Variants in SLC9A9 observed in about 807,000 individuals in gnomAD.
The protein encoded by SLC9A9 is sodium/hydrogen exchanger 9.
A neutral mutation model predicts 77.8 loss-of-function variants in SLC9A9; 62 were observed. That is an observed-to-expected ratio of 0.80 (90% confidence interval 0.65 to 0.98). The LOEUF is 0.98. Among genes scored for constraint, SLC9A9 ranks in the 50% least tolerant of loss-of-function variants. The pLI is 0.00. For synonymous variants in SLC9A9, 320 were observed against 283.5 expected, an observed-to-expected ratio of 1.13 and a Z score of -1.29; for missense variants, 775 against 774.9, an observed-to-expected ratio of 1.00 and a Z score of 0.00.
At chr3:143,295,934 C>T (rs2108422038) in intron 14 of SLC9A9, among the ~76,000 whole-genome samples, 1 of 152,100 alleles carries the variant, frequency 6.6e-6, no homozygotes, top group African/African-American at 2.4e-5. Context: ...TGAGGGCCCC[C>T]ATACTTTCTG....
At chr3:143,388,502 A>T (rs970268187) in intron 12 of SLC9A9, among the ~76,000 whole-genome samples, 1 of 152,188 alleles carries the variant, frequency 6.6e-6, no homozygotes, top group Non-Finnish European at 1.5e-5. Flanking sequence ...CAACTATAAG[A>T]GGGGATAAGC....
At chr3:143,522,375 T>A (rs1345806884) in intron 9 of SLC9A9, among the ~76,000 whole-genome samples, 1 of 152,176 alleles carries the variant, frequency 6.6e-6, no homozygotes, top group Non-Finnish European at 1.5e-5. Flanking sequence ...TGCCAATATA[T>A]ACAATTCTTG....
In SLC9A9 at chr3:143,600,483, C is replaced by A. The variant is rs2037829543; in HGVS notation, c.756-21760G>T. Among the ~76,000 whole-genome samples the A allele has an allele frequency of 1.3e-5, 2 of 152,242 alleles. 1 individual carries two copies. Among genetic ancestry groups the A allele is most frequent in the South Asian group, 4.1e-4 (2 of 4,826 alleles). On this transcript the variant is annotated intron_variant, in intron 6 of 15. Transcript: ENST00000316549. ...TTCTATAAGTGTGTGAAAAATACAA[C>A]AAGTAGAACTCATTAATTTATCAGA... is the stretch of plus-strand genomic sequence containing the variant.
At chr3:143,662,276 C>T (rs1218649693) in intron 5 of SLC9A9, among the ~76,000 whole-genome samples, 5 of 152,128 alleles carry the variant, frequency 3.3e-5, no homozygotes, top group Admixed American at 6.5e-5. Flanking sequence ...AAATAATATA[C>T]GAATGAAGAA....
chr3:143,716,262 T>TG (rs1934347903), intron 4 of SLC9A9, among the ~76,000 whole-genome samples: 2 of 151,992 alleles, frequency 1.3e-5, no homozygotes, highest in African/African-American at 2.4e-5. Context: ...TTTGTAGAGA[T>TG]GGGGTCTCCC....
chr3:143,743,303 A>G (rs1935128287), intron 4 of SLC9A9, among the ~76,000 whole-genome samples: 1 of 151,988 alleles, frequency 6.6e-6, no homozygotes, highest in Non-Finnish European at 1.5e-5. Flanking sequence ...AGACAGATAG[A>G]TAGATGATAG....
chr3:143,363,514 A>G lies in SLC9A9; in HGVS notation c.1574T>C (p.Leu525Pro). 1 of 1,613,102 alleles carries G rather than the reference A, an allele frequency of 6.2e-7. No homozygotes were observed. Among genetic ancestry groups the G allele is most frequent in the Non-Finnish European group, 8.5e-7 (1 of 1,179,328 alleles). The change falls in exon 14 of 16, where the codon CTC becomes CCC. Residue 525 changes from leucine to proline, a missense_variant. Physicochemically the swap from Leu to Pro is moderately conservative, Grantham distance 98 (BLOSUM62 -3). Transcript: ENST00000316549. ...GTCAAAGCTATACCACATTCTGAAG[A>G]GCCGAGCACTCTCTGCTTTCGTCAT... ...KNMTKAESAR[L>P]FRMWYSFDHK...
chr3:143,615,112 T>C (rs2038082150), intron 6 of SLC9A9, among the ~76,000 whole-genome samples: 1 of 152,178 alleles, frequency 6.6e-6, no homozygotes. Context: ...GTCAGCCAAC[T>C]TGCCTCAGAG....
At chr3:143,460,663 T>C (rs561866056) in intron 12 of SLC9A9, among the ~76,000 whole-genome samples, 1 of 152,268 alleles carries the variant, frequency 6.6e-6, no homozygotes, top group Admixed American at 6.5e-5. Context: ...TAGCTGGCAG[T>C]TGTGGAGTTA....
intron 11 of SLC9A9, among the ~76,000 whole-genome samples, chr3:143,475,302 G>T (rs191209869): frequency 5.9e-5 from 9 of 151,742 alleles, no homozygotes; most frequent in Non-Finnish European, 1.2e-4. Flanking sequence ...CATCGGAAAT[G>T]ATCTTGTTTA....
chr3:143,483,619 C>G (rs974589861), intron 11 of SLC9A9, among the ~76,000 whole-genome samples: 1 of 152,142 alleles, frequency 6.6e-6, no homozygotes, highest in Non-Finnish European at 1.5e-5. Flanking sequence ...TCAGAACACA[C>G]TGGTAGGGCT....
At chr3:143,687,741 T>TA (rs5853123) in intron 5 of SLC9A9, among the ~76,000 whole-genome samples, 64,566 of 149,494 alleles carry the variant, frequency 0.43, 13,927 homozygotes, top group South Asian at 0.6. Flanking sequence ...TTTTGTCTGT[T>TA]AAAAAAAAAA....
chr3:143,465,018 T>A (rs1376543776), intron 12 of SLC9A9, among the ~76,000 whole-genome samples: 2 of 152,240 alleles, frequency 1.3e-5, no homozygotes, highest in Non-Finnish European at 2.9e-5. Context: ...CTCACTAGAC[T>A]GGAACCCTGT....
intron 14 of SLC9A9, among the ~76,000 whole-genome samples, chr3:143,323,519 T>G (rs1026626395): frequency 2.0e-5 from 3 of 152,048 alleles, no homozygotes; most frequent in Non-Finnish European, 4.4e-5. Context: ...CTTAAAAAAT[T>G]GATTACATGG....
chr3:143,593,296 C>G (rs1294936012), intron 6 of SLC9A9, among the ~76,000 whole-genome samples: 1 of 152,176 alleles, frequency 6.6e-6, no homozygotes, highest in African/African-American at 2.4e-5. Context: ...CTCATTTTCT[C>G]TCTCTGTAGT....
At chr3:143,813,132 G>A (rs942200565) in intron 2 of SLC9A9, among the ~76,000 whole-genome samples, 1 of 152,136 alleles carries the variant, frequency 6.6e-6, no homozygotes, top group African/African-American at 2.4e-5. Context: ...TGTAAATACA[G>A]AGGTGACCAC....
Position 143,438,566 on chromosome 3 carries a change from A to T in SLC9A9, c.1469+28471T>A, listed in dbSNP as rs569379419. On this transcript the variant is annotated intron_variant, in intron 12 of 15. Coordinates refer to ENST00000316549, the MANE Select transcript of SLC9A9 (RefSeq NM_173653.4). ...GCCTGAGATTCACCATCATCTGGGG[A>T]GGTTTTTAAAAACACAGATGCCCTA... is the stretch of plus-strand genomic sequence containing the variant. 2.9e-4 allele frequency among the ~76,000 whole-genome samples: 44 copies of T among 152,222 alleles called. 1 individual carries two copies. Among genetic ancestry groups the T allele is most frequent in the African/African-American group, 7.2e-5 (3 of 41,536 alleles).
At chr3:143,385,429 A>G (rs1342614797) in intron 12 of SLC9A9, among the ~76,000 whole-genome samples, 1 of 152,154 alleles carries the variant, frequency 6.6e-6, no homozygotes, top group Non-Finnish European at 1.5e-5. Flanking sequence ...CTCAATTGTG[A>G]TATATAAGCT....
intron 10 of SLC9A9, among the ~76,000 whole-genome samples, chr3:143,494,759 G>A (rs911294949): frequency 6.6e-6 from 1 of 152,302 alleles, no homozygotes; most frequent in East Asian, 1.9e-4. Flanking sequence ...TAAAAGTGGG[G>A]TCTAGATTTC....
Sources: gnomAD v4.1 joint callset for allele counts (sites outside exome capture counted in the v4.1 genomes callset) on GRCh38, gnomAD v4.1.1 for gene constraint, MANE v1.5 for transcripts, NCBI Gene and HGNC (gene_info 2026-07-23, HGNC 2026-07-21) for gene names.